Variants in PPP2R2C observed in about 807,000 individuals in gnomAD.
The protein encoded by PPP2R2C is protein phosphatase 2 regulatory subunit Bgamma.
A neutral mutation model predicts 45.3 loss-of-function variants in PPP2R2C; 10 were observed. The ratio of observed to expected loss-of-function variants is 0.22; its 90% CI spans 0.14 to 0.37. The LOEUF (loss-of-function observed/expected upper bound fraction) is 0.37. PPP2R2C is among the 10% of genes least tolerant of loss of function. PPP2R2C has a pLI of 1.00. For synonymous variants in PPP2R2C, 257 were observed against 245.4 expected (o/e 1.05, Z -0.44); for missense variants, 308 against 619.7 (o/e 0.50, Z 5.34).
intron 2 of PPP2R2C, among the ~76,000 whole-genome samples, chr4:6,505,111 C>T (rs1169794707): frequency 1.3e-5 from 2 of 151,784 alleles, no homozygotes; most frequent in Non-Finnish European, 2.9e-5. Context: ...GACTTCTCAT[C>T]AGAAACTATG....
chr4:6,439,431 T>A lies in PPP2R2C; in HGVS notation c.70+32729A>T, dbSNP rs540040591. Among the ~76,000 whole-genome samples, 18 of 152,272 alleles carry A rather than the reference T, an allele frequency of 1.2e-4. No homozygotes were observed. In the South Asian group the frequency reaches 3.3e-3, roughly 28 times the overall value. On this transcript the variant is annotated intron_variant, in intron 1 of 8. Transcript: ENST00000382599. ...CACGGATTAAAAGGAAAACTAGAAA[T>A]CTAACTTTAGCGTGATTCAAAATAG...
intron 1 of PPP2R2C, chr4:6,384,010 A>G: frequency 2.0e-6 from 2 of 985,618 alleles, no homozygotes; most frequent in African/African-American, 1.7e-5. Context: ...ACAGATGCAC[A>G]TGTCACTGAA....
chr4:6,456,452 A>G (rs1486922607), intron 1 of PPP2R2C, among the ~76,000 whole-genome samples: 2 of 152,168 alleles, frequency 1.3e-5, no homozygotes, highest in African/African-American at 4.8e-5. Flanking sequence ...TATGGGACAC[A>G]TTATCATGAT....
intron 2 of PPP2R2C, among the ~76,000 whole-genome samples, chr4:6,500,373 C>G (rs1723011139): frequency 6.6e-6 from 1 of 152,200 alleles, no homozygotes; most frequent in Non-Finnish European, 1.5e-5. Context: ...GTCTCGAACT[C>G]CTGACCTCAG....
At chr4:6,431,434 C>G (rs1023640759) in intron 1 of PPP2R2C, among the ~76,000 whole-genome samples, 1 of 152,228 alleles carries the variant, frequency 6.6e-6, no homozygotes. Flanking sequence ...TTGGAGAAAG[C>G]TGCTCAGGCT....
intron 5 of PPP2R2C, among the ~76,000 whole-genome samples, chr4:6,371,937 C>T (rs1714861276): frequency 6.6e-6 from 1 of 152,176 alleles, no homozygotes; most frequent in Non-Finnish European, 1.5e-5. Flanking sequence ...CAGGCTGGTG[C>T]TCATGTCATC....
chr4:6,493,249 A>C (rs1577219776), intron 2 of PPP2R2C, among the ~76,000 whole-genome samples: 1 of 151,816 alleles, frequency 6.6e-6, no homozygotes, highest in South Asian at 2.1e-4. Flanking sequence ...GCGCGCACAT[A>C]CACACACCCC....
intron 2 of PPP2R2C, among the ~76,000 whole-genome samples, chr4:6,518,615 AT>A (rs1474509690): frequency 5.3e-5 from 8 of 152,242 alleles, no homozygotes; most frequent in Non-Finnish European, 1.2e-4. Context: ...GACTATCTAA[AT>A]AGGCCTATAT....
intron 5 of PPP2R2C, chr4:6,349,741 A>AT: frequency 1.5e-6 from 1 of 683,460 alleles, no homozygotes; most frequent in East Asian, 1.4e-4. Flanking sequence ...ATCTCTACTA[A>AT]AAAAAAATTA....
chr4:6,344,247 T>G (rs1416900737), intron 6 of PPP2R2C, among the ~76,000 whole-genome samples: 1 of 152,226 alleles, frequency 6.6e-6, no homozygotes. Flanking sequence ...AAAGTTAACG[T>G]TCACTGCAGC....
chr4:6,474,078 G>C (rs4234743), upstream of PPP2R2C, among the ~76,000 whole-genome samples: 1 of 152,132 alleles, frequency 6.6e-6, no homozygotes, highest in Non-Finnish European at 1.5e-5. Context: ...TGCAAGGGCC[G>C]GAAGGATGTG....
intron 1 of PPP2R2C, among the ~76,000 whole-genome samples, chr4:6,414,580 CA>C (rs1718441627): frequency 6.6e-6 from 1 of 151,938 alleles, no homozygotes; most frequent in Non-Finnish European, 1.5e-5. Context: ...ATCTGGATCT[CA>C]TTTCACCATG....
intron 1 of PPP2R2C, among the ~76,000 whole-genome samples, chr4:6,418,209 T>C (rs966210501): frequency 1.3e-5 from 2 of 152,088 alleles, no homozygotes; most frequent in South Asian, 4.1e-4. Flanking sequence ...TGGTCTTGAC[T>C]AAAACGTGGG....
At chr4:6,522,412 G>A (rs1724056549) in intron 2 of PPP2R2C, among the ~76,000 whole-genome samples, 1 of 152,192 alleles carries the variant, frequency 6.6e-6, no homozygotes, top group African/African-American at 2.4e-5. Context: ...TGCCCCCCCA[G>A]ACCCCACAGC....
chr4:6,412,855 C>T (rs1019245607), intron 1 of PPP2R2C, among the ~76,000 whole-genome samples: 2 of 152,206 alleles, frequency 1.3e-5, no homozygotes, highest in Non-Finnish European at 2.9e-5. Context: ...CAAAAGCTCC[C>T]TTGCCCCTTC....
intron 8 of PPP2R2C, among the ~76,000 whole-genome samples, chr4:6,326,716 C>T (rs573376129): frequency 1.6e-4 from 25 of 152,292 alleles, no homozygotes; most frequent in African/African-American, 6.0e-4. Flanking sequence ...CACACGGTGG[C>T]GAGGGTAGAA....
chr4:6,528,805 G>T (rs1172533621), intron 2 of PPP2R2C, among the ~76,000 whole-genome samples: 3 of 152,032 alleles, frequency 2.0e-5, no homozygotes, highest in Non-Finnish European at 4.4e-5. Flanking sequence ...CCCCTACTGA[G>T]CACCTTGTGA....
chr4:6,390,152 G>T lies in PPP2R2C; in HGVS notation c.71-9058C>A, dbSNP rs895109126. On this transcript the variant is annotated intron_variant, in intron 1 of 8. Coordinates refer to ENST00000382599, the MANE Select transcript of PPP2R2C (RefSeq NM_020416.4). The stretch of plus-strand genomic sequence containing the variant: ...CTCCACGTACTTCCAGGGGACAGGG[G>T]AGAGCTGCTTAGGACCACCTTAGGT... Among the ~76,000 whole-genome samples, 5 of 152,304 alleles carry T rather than the reference G, an allele frequency of 3.3e-5. No homozygotes were observed. The East Asian group carries it at 9.7e-4, about 29-fold the overall frequency.
intron 8 of PPP2R2C, among the ~76,000 whole-genome samples, chr4:6,326,799 T>C (rs1412704311): frequency 2.6e-5 from 4 of 152,232 alleles, no homozygotes; most frequent in African/African-American, 9.6e-5. Context: ...ATCTGCGTTC[T>C]GCCGGTGCTA....
Sources: allele counts gnomAD v4.1 joint callset (sites outside exome capture counted in the v4.1 genomes callset), GRCh38; gene constraint gnomAD v4.1.1; transcripts MANE v1.5; gene names NCBI Gene and HGNC (gene_info 2026-07-23, HGNC 2026-07-21).